NRXN3: variants seen among roughly 807,000 people sequenced by gnomAD.
The protein encoded by NRXN3 is neurexin 3.
In NRXN3, 32 loss-of-function variants were observed where a neutral mutation model predicts 137.6. The ratio of observed to expected loss-of-function variants is 0.23; its 90% CI spans 0.18 to 0.31. The LOEUF (loss-of-function observed/expected upper bound fraction) is 0.31. NRXN3 is among the 10% of genes least tolerant of loss of function. The probability of loss-of-function intolerance (pLI) is 1.00; values close to 1 mark genes in which losing one functional copy is unlikely to be tolerated. For missense variants in NRXN3, 1,574 were observed against 2,062.5 expected, an observed-to-expected ratio of 0.76 and a Z score of 4.59; for synonymous variants, 798 against 784.5, an observed-to-expected ratio of 1.02 and a Z score of -0.29.
chr14:79,070,133 C>T (rs2099685782), intron 15 of NRXN3, among the ~76,000 whole-genome samples: 1 of 152,114 alleles, frequency 6.6e-6, no homozygotes, highest in African/African-American at 2.4e-5. Flanking sequence ...TTGCATTGTA[C>T]ACAAGCCTCC....
chr14:78,183,903 G>A (rs190890615), intron 1 of NRXN3, among the ~76,000 whole-genome samples: 14 of 152,320 alleles, frequency 9.2e-5, no homozygotes, highest in Admixed American at 4.6e-4. Flanking sequence ...AAGAAGGGGC[G>A]GATGTGTGGG....
At chr14:78,823,065 G>A (rs536975060) in intron 10 of NRXN3, among the ~76,000 whole-genome samples, 1 of 152,254 alleles carries the variant, frequency 6.6e-6, no homozygotes, top group East Asian at 1.9e-4. Flanking sequence ...CTATTTCAGT[G>A]ACTGAAAGGT....
At chr14:78,753,427 G>T (rs2098652570) in intron 8 of NRXN3, among the ~76,000 whole-genome samples, 1 of 152,174 alleles carries the variant, frequency 6.6e-6, no homozygotes, top group African/African-American at 2.4e-5. Context: ...TTCCTTTGTG[G>T]CTTAAGCTGG....
chr14:79,463,571 A>G (rs1268324311), intron 15 of NRXN3, among the ~76,000 whole-genome samples: 2 of 152,016 alleles, frequency 1.3e-5, no homozygotes, highest in African/African-American at 4.8e-5. Context: ...CATTCCTGGA[A>G]TACTGTGTTG....
chr14:78,445,825 C>G (rs2094403352), intron 4 of NRXN3, among the ~76,000 whole-genome samples: 1 of 152,130 alleles, frequency 6.6e-6, no homozygotes, highest in Admixed American at 6.5e-5. Flanking sequence ...TACTAAATAT[C>G]ATATTAGGAT....
At chr14:78,667,601 T>C (rs1179931949) in intron 6 of NRXN3, among the ~76,000 whole-genome samples, 1 of 152,192 alleles carries the variant, frequency 6.6e-6, no homozygotes, top group East Asian at 1.9e-4. Context: ...TTTCTCCTTA[T>C]TACATTTTGA....
intron 15 of NRXN3, among the ~76,000 whole-genome samples, chr14:79,060,570 A>G (rs1358470800): frequency 6.6e-6 from 1 of 152,156 alleles, no homozygotes; most frequent in African/African-American, 2.4e-5. Context: ...GTGCTGTGAA[A>G]TCCCACCATC....
At chr14:79,108,852 G>A (rs982962125) in intron 15 of NRXN3, among the ~76,000 whole-genome samples, 9 of 152,052 alleles carry the variant, frequency 5.9e-5, no homozygotes, top group African/African-American at 2.2e-4. Flanking sequence ...AATTTTTTAC[G>A]CTGCTGTCAG....
chr14:79,318,958 A>T (rs996435816), intron 15 of NRXN3, among the ~76,000 whole-genome samples: 1 of 151,978 alleles, frequency 6.6e-6, no homozygotes, highest in Non-Finnish European at 1.5e-5. Context: ...ATTTATTTCT[A>T]TGCACTCACT....
At chr14:79,635,322 TG>T (rs1458858801) in intron 16 of NRXN3, among the ~76,000 whole-genome samples, 2 of 152,202 alleles carry the variant, frequency 1.3e-5, no homozygotes, top group African/African-American at 2.4e-5. Context: ...GATCGGACTT[TG>T]ATGGTGGGAA....
chr14:78,308,584 G>C (rs2077608874), intron 4 of NRXN3, among the ~76,000 whole-genome samples: 1 of 152,090 alleles, frequency 6.6e-6, no homozygotes, highest in African/African-American at 2.4e-5. Flanking sequence ...AAAGAACCTT[G>C]TTTGCAATGA....
chr14:79,023,526 A>C (rs2099593227), intron 15 of NRXN3, among the ~76,000 whole-genome samples: 1 of 152,140 alleles, frequency 6.6e-6, no homozygotes, highest in African/African-American at 2.4e-5. Flanking sequence ...GAGGTGTATT[A>C]GTCCATTCTC....
intron 8 of NRXN3, among the ~76,000 whole-genome samples, chr14:78,762,144 T>C (rs2098694391): frequency 6.6e-6 from 1 of 152,172 alleles, no homozygotes; most frequent in African/African-American, 2.4e-5. Flanking sequence ...CAAAGGTCTG[T>C]TTTGTCTCCT....
chr14:78,579,015 C>G (rs1270270834), intron 4 of NRXN3, among the ~76,000 whole-genome samples: 1 of 151,822 alleles, frequency 6.6e-6, no homozygotes, highest in Non-Finnish European at 1.5e-5. Flanking sequence ...GAACTGTCAA[C>G]CTATTATAGA....
At chr14:79,212,931 G>A (rs1016393024) in intron 15 of NRXN3, among the ~76,000 whole-genome samples, 1 of 151,904 alleles carries the variant, frequency 6.6e-6, no homozygotes, top group Non-Finnish European at 1.5e-5. Context: ...GGAGAGTATT[G>A]GGATAGATTA....
chr14:78,989,133 T>C (rs993234962), intron 15 of NRXN3, among the ~76,000 whole-genome samples: 2 of 152,242 alleles, frequency 1.3e-5, no homozygotes, highest in Admixed American at 1.3e-4. Context: ...CTTCTGACTT[T>C]CTAAATGCAG....
intron 16 of NRXN3, among the ~76,000 whole-genome samples, chr14:79,555,720 G>T (rs75494050): frequency 0.033 from 5,010 of 152,224 alleles, 118 homozygotes; most frequent in Middle Eastern, 0.1. Context: ...CAAGTTCAGA[G>T]ACTTGGTATA....
At chr14:78,420,054 G>A (rs1246925560) in intron 4 of NRXN3, among the ~76,000 whole-genome samples, 1 of 151,932 alleles carries the variant, frequency 6.6e-6, no homozygotes, top group Non-Finnish European at 1.5e-5. Context: ...CCTCTTGTAT[G>A]CACAGCACTC....
intron 15 of NRXN3, among the ~76,000 whole-genome samples, chr14:79,385,589 G>A (rs1326899606): frequency 1.3e-5 from 2 of 152,096 alleles, no homozygotes; most frequent in Non-Finnish European, 2.9e-5. Flanking sequence ...GGGGCCTGGT[G>A]GGAGGTGTTA....
Sources: allele counts gnomAD v4.1 joint callset (sites outside exome capture counted in the v4.1 genomes callset), GRCh38; gene constraint gnomAD v4.1.1; transcripts MANE v1.5; gene names NCBI Gene and HGNC (gene_info 2026-07-23, HGNC 2026-07-21).